Variants in FGF14 observed in about 807,000 individuals in gnomAD.
The protein encoded by FGF14 is fibroblast growth factor homologous factor 4.
In FGF14, 5 loss-of-function variants were observed where a neutral mutation model predicts 25.5. The observed-to-expected ratio is 0.20, with a 90% CI of 0.10 to 0.41. The LOEUF is 0.41. FGF14 is among the 10% of genes least tolerant of loss of function. The probability of loss-of-function intolerance (pLI) is 1.00; values close to 1 mark genes in which losing one functional copy is unlikely to be tolerated. For synonymous variants in FGF14, 138 were observed against 118.3 expected (o/e 1.17, Z -1.08); for missense variants, 222 against 320.1 (o/e 0.69, Z 2.34).
At chr13:102,074,151 C>T (rs965699943) in intron 1 of FGF14, among the ~76,000 whole-genome samples, 4 of 152,116 alleles carry the variant, frequency 2.6e-5, no homozygotes, top group Admixed American at 6.5e-5. Flanking sequence ...GGTGGGACTA[C>T]AAGTGTGCAC....
At chr13:102,310,651 T>TTCTC (rs34400050) in intron 1 of FGF14, among the ~76,000 whole-genome samples, 11,886 of 45,888 alleles carry the variant, frequency 0.26, 2,217 homozygotes, top group Non-Finnish European at 0.31. Flanking sequence ...CTCTTCCCGT[T>TTCTC]TCTCTCTCTC....
chr13:102,272,090 A>C (rs2053275677), intron 1 of FGF14, among the ~76,000 whole-genome samples: 2 of 151,966 alleles, frequency 1.3e-5, no homozygotes. Flanking sequence ...GAATTTTTTG[A>C]TTCCCTCCAC....
In FGF14 at chr13:102,235,038, T is replaced by A. The variant is rs552086393; in HGVS notation, c.208+166433A>T. The stretch of plus-strand genomic sequence containing the variant: ...TACTGAGAGCTCCCACAGAACAAGA[T>A]TATTTTGTCTGGCCAAACCAATGTA... On this transcript the variant is annotated intron_variant, in intron 1 of 4. Coordinates refer to the FGF14 transcript ENST00000376131. Among the ~76,000 whole-genome samples the A allele has an allele frequency of 1.1e-3, 175 of 152,308 alleles. 2 individuals are homozygous for A. Among genetic ancestry groups the A allele is most frequent in the African/African-American group, 3.8e-3 (158 of 41,552 alleles).
intron 3 of FGF14, among the ~76,000 whole-genome samples, chr13:101,808,643 G>A (rs955555227): frequency 6.6e-6 from 1 of 152,090 alleles, no homozygotes; most frequent in Non-Finnish European, 1.5e-5. Context: ...TTGTTGGATA[G>A]CCATGATTCT....
intron 1 of FGF14, among the ~76,000 whole-genome samples, chr13:101,876,372 T>C (rs891966685): frequency 2.6e-5 from 4 of 152,208 alleles, no homozygotes; most frequent in Non-Finnish European, 4.4e-5. Context: ...AGTCGGACGT[T>C]ACTGAGTAAT....
At chr13:102,120,965 A>G (rs1199536781) in intron 1 of FGF14, among the ~76,000 whole-genome samples, 1 of 152,132 alleles carries the variant, frequency 6.6e-6, no homozygotes. Flanking sequence ...CGGCCTCCCA[A>G]AGTGCTGGGA....
intron 3 of FGF14, among the ~76,000 whole-genome samples, chr13:101,821,041 G>A (rs528631882): frequency 7.5e-5 from 11 of 146,532 alleles, no homozygotes; most frequent in East Asian, 2.1e-4. Context: ...TCCGCCCCCC[G>A]GGATTCACGC....
chr13:101,952,580 C>T (rs2036240744), intron 1 of FGF14, among the ~76,000 whole-genome samples: 1 of 152,158 alleles, frequency 6.6e-6, no homozygotes, highest in South Asian at 2.1e-4. Context: ...TAGTTAAGGG[C>T]ATCACATCAA....
At chr13:102,203,348 T>A (rs971917393) in intron 1 of FGF14, among the ~76,000 whole-genome samples, 1 of 152,240 alleles carries the variant, frequency 6.6e-6, no homozygotes, top group South Asian at 2.1e-4. Flanking sequence ...ACTTTTGTTA[T>A]AATTTTTATA....
chr13:101,984,858 A>T (rs2139634712), intron 1 of FGF14, among the ~76,000 whole-genome samples: 1 of 152,288 alleles, frequency 6.6e-6, no homozygotes, highest in African/African-American at 2.4e-5. Context: ...ATATGCAGGT[A>T]GCATTATAGA....
intron 1 of FGF14, among the ~76,000 whole-genome samples, chr13:101,948,781 T>A (rs1455300470): frequency 6.6e-6 from 1 of 152,204 alleles, no homozygotes; most frequent in Non-Finnish European, 1.5e-5. Flanking sequence ...TGCCAAAGTT[T>A]TTTAAAATAA....
chr13:101,785,882 C>T (rs2039794068), intron 3 of FGF14, among the ~76,000 whole-genome samples: 1 of 152,166 alleles, frequency 6.6e-6, no homozygotes, highest in Non-Finnish European at 1.5e-5. Flanking sequence ...ACCCCACTCC[C>T]TATGTTTTAG....
intron 3 of FGF14, among the ~76,000 whole-genome samples, chr13:101,849,289 A>T (rs2043625101): frequency 6.6e-6 from 1 of 152,096 alleles, no homozygotes; most frequent in Non-Finnish European, 1.5e-5. Context: ...AATCACCGTA[A>T]GCGACCGGAA....
At chr13:102,119,368 T>C (rs1386629525) in intron 1 of FGF14, among the ~76,000 whole-genome samples, 1 of 152,120 alleles carries the variant, frequency 6.6e-6, no homozygotes, top group Non-Finnish European at 1.5e-5. Context: ...TTGTTCTAGA[T>C]TGGGAGAGAC....
intron 4 of FGF14, among the ~76,000 whole-genome samples, chr13:101,725,380 G>GAAATATGAGT (rs2035345274): frequency 6.6e-6 from 1 of 151,870 alleles, no homozygotes; most frequent in Non-Finnish European, 1.5e-5. Context: ...TTCAGACTCT[G>GAAATATGAGT]GAATAATCTG....
rs536304327 is a variant in FGF14, at chr13:102,039,747, A to G, written c.209-164451T>C. The stretch of plus-strand genomic sequence containing the variant: ...ATAGGCACCAGAGGTAGGGACTTCA[A>G]TATCTCTCTTTAGGGGATGTAATTC... On this transcript the variant is annotated intron_variant, in intron 1 of 4. Coordinates refer to the FGF14 transcript ENST00000376131. Among the ~76,000 whole-genome samples the G allele has an allele frequency of 1.3e-3, 203 of 152,186 alleles. 2 individuals are homozygous for G. The highest frequency in any genetic ancestry group is 2.2e-3 in the Non-Finnish European group (152 of 67,986).
At chr13:101,929,407 G>A (rs1210938125) in intron 1 of FGF14, among the ~76,000 whole-genome samples, 5 of 152,192 alleles carry the variant, frequency 3.3e-5, no homozygotes, top group African/African-American at 1.2e-4. Flanking sequence ...GAAGGTAAGC[G>A]GAAGCAGCCT....
At chr13:101,903,669 T>C in intron 1 of FGF14, among the ~76,000 whole-genome samples, 1 of 152,098 alleles carries the variant, frequency 6.6e-6, no homozygotes, top group South Asian at 2.1e-4. Context: ...ATACAGAATC[T>C]ATAGAATATA....
chr13:102,115,539 G>T (rs1594012973), intron 1 of FGF14, among the ~76,000 whole-genome samples: 1 of 152,148 alleles, frequency 6.6e-6, no homozygotes, highest in Admixed American at 6.6e-5. Flanking sequence ...ATAAGTGTCT[G>T]TTCATGTCCT....
Sources: gnomAD v4.1 joint callset for allele counts (sites outside exome capture counted in the v4.1 genomes callset) on GRCh38, gnomAD v4.1.1 for gene constraint, MANE v1.5 for transcripts, NCBI Gene and HGNC (gene_info 2026-07-23, HGNC 2026-07-21) for gene names.